The following RAB33A variants were observed in gnomAD, a reference collection of about 807,000 sequenced individuals.
RAB33A encodes the protein ras-related protein Rab-33A.
In RAB33A, 6 loss-of-function variants were observed where a neutral mutation model predicts 12.0. The observed-to-expected ratio is 0.50, with a 90% CI of 0.27 to 0.99. The LOEUF is 0.99. Ranked by LOEUF, RAB33A falls within the 50% of genes least tolerant of loss-of-function variation. The pLI, the probability that RAB33A is intolerant of heterozygous loss-of-function variation, is 0.11. For missense variants in RAB33A, 109 were observed against 192.0 expected (o/e 0.57, Z 2.55); for synonymous variants, 70 against 82.4 (o/e 0.85, Z 0.81).
the RAB33A span, among the ~76,000 whole-genome samples, chrX:130,125,679 T>A: frequency 9.0e-6 from 1 of 111,055 alleles, no homozygotes; most frequent in African/African-American, 3.3e-5. Flanking sequence ...TTTGTATAAA[T>A]GGGTCTCTTG....
the RAB33A span, chrX:130,148,002 T>A: frequency 1.2e-6 from 1 of 807,896 alleles, no homozygotes; most frequent in Non-Finnish European, 1.9e-6. Flanking sequence ...ACATATGACC[T>A]ACGCTAATCT....
the RAB33A span, among the ~76,000 whole-genome samples, chrX:130,121,243 TTTTC>T: frequency 1.8e-5 from 2 of 108,343 alleles, no homozygotes; most frequent in Non-Finnish European, 3.8e-5. Flanking sequence ...CTTTTTTTTC[TTTTC>T]TTTTCTTTTT....
chrX:130,126,178 C>T, the RAB33A span, among the ~76,000 whole-genome samples: 2 of 112,220 alleles, frequency 1.8e-5, no homozygotes, highest in Admixed American at 1.9e-4. Flanking sequence ...CCTCGACTGG[C>T]ACTGCTTGTC....
chrX:130,123,863 C>T, the RAB33A span, among the ~76,000 whole-genome samples: 1 of 111,207 alleles, frequency 9.0e-6, no homozygotes, highest in South Asian at 3.7e-4. Flanking sequence ...GCAGAGCACT[C>T]TCCATATTCT....
chrX:130,118,969 A>G, the RAB33A span, among the ~76,000 whole-genome samples: 1 of 111,416 alleles, frequency 9.0e-6, no homozygotes, highest in Non-Finnish European at 1.9e-5. Context: ...CAGGATGTCT[A>G]CGTGTACATT....
chrX:130,179,917 A>G (rs761779798), intron 1 of RAB33A, among the ~76,000 whole-genome samples: 4 of 107,752 alleles, frequency 3.7e-5, no homozygotes, highest in Non-Finnish European at 7.7e-5. Flanking sequence ...AGAAAACATA[A>G]ATCTATTCAA....
intron 1 of RAB33A, among the ~76,000 whole-genome samples, chrX:130,174,672 G>T (rs761909969): frequency 1.8e-5 from 2 of 111,761 alleles, no homozygotes; most frequent in African/African-American, 6.5e-5. Flanking sequence ...GAAGGCTTTT[G>T]GGCTGTAACA....
the RAB33A span, chrX:130,138,815 A>C: frequency 3.6e-5 from 19 of 532,214 alleles, no homozygotes; most frequent in Non-Finnish European, 6.2e-5. Context: ...CCTTGTATAA[A>C]GTGACTCAAT....
the RAB33A span, chrX:130,165,781 TC>T: frequency 2.3e-5 from 14 of 603,570 alleles, no homozygotes; most frequent in Admixed American, 3.7e-4. Context: ...AGACTCCTCC[TC>T]CCAGCTCCGG....
At chrX:130,165,412 T>C in the RAB33A span, 1 of 554,050 alleles carries the variant, frequency 1.8e-6, no homozygotes, top group Non-Finnish European at 3.2e-6. Context: ...GACTCAGGGT[T>C]CGGAGTCTGC....
the RAB33A span, among the ~76,000 whole-genome samples, chrX:130,159,540 A>G: frequency 3.6e-5 from 4 of 111,835 alleles, no homozygotes; most frequent in African/African-American, 1.3e-4. Context: ...GTTCCATGTG[A>G]TTTAGTTCAA....
chrX:130,155,693 C>T, the RAB33A span, among the ~76,000 whole-genome samples: 74 of 112,055 alleles, frequency 6.6e-4, 1 homozygote, highest in East Asian at 0.02. Flanking sequence ...AAACAAACAG[C>T]TTCCTTCAAT....
chrX:130,116,989 G>A, the RAB33A span, among the ~76,000 whole-genome samples: 5 of 112,093 alleles, frequency 4.5e-5, no homozygotes, highest in East Asian at 2.8e-4. Flanking sequence ...CAAGGTGGGC[G>A]GATCACGAGG....
At chrX:130,155,134 T>C in the RAB33A span, 1 of 1,210,224 alleles carries the variant, frequency 8.3e-7, no homozygotes, top group Non-Finnish European at 1.1e-6. Flanking sequence ...CCCCAAAATA[T>C]GTTTTAGTGT....
At chrX:130,171,784 C>G (rs1230244027), upstream of RAB33A, 1 of 354,879 alleles carries the variant, frequency 2.8e-6, no homozygotes, top group African/African-American at 2.7e-5. Context: ...GGCTCGTCCA[C>G]TCTCCTCCCT....
chrX:130,158,747 CATA>C, the RAB33A span, among the ~76,000 whole-genome samples: 4 of 97,041 alleles, frequency 4.1e-5, no homozygotes, highest in Non-Finnish European at 6.1e-5. Flanking sequence ...AAAAAAATCT[CATA>C]ATGTTTTAAG....
the RAB33A span, chrX:130,165,630 C>T: frequency 1.7e-6 from 2 of 1,201,465 alleles, no homozygotes; most frequent in South Asian, 1.8e-5. Flanking sequence ...TCAAAGCACC[C>T]GCCGCCAGGC....
the RAB33A span, chrX:130,137,706 T>C: frequency 9.4e-7 from 1 of 1,062,239 alleles, no homozygotes; most frequent in Non-Finnish European, 1.2e-6. Flanking sequence ...ATAACTCACT[T>C]TCCTTAATAT....
chrX:130,127,781 C>T, the RAB33A span, among the ~76,000 whole-genome samples: 2 of 104,857 alleles, frequency 1.9e-5, 1 homozygote, highest in African/African-American at 7.1e-5. Context: ...CCTCCGCCTC[C>T]CAGGTTCAAG....
Sources: gnomAD v4.1 joint callset for allele counts (sites outside exome capture counted in the v4.1 genomes callset) on GRCh38, gnomAD v4.1.1 for gene constraint, MANE v1.5 for transcripts, NCBI Gene and HGNC (gene_info 2026-07-23, HGNC 2026-07-21) for gene names.